RBM20: variants seen among roughly 807,000 people sequenced by gnomAD.
RBM20 encodes RNA binding motif protein 20, also known as RNA-binding protein 20.
A neutral mutation model predicts 110.1 loss-of-function variants in RBM20; 51 were observed. That is an observed-to-expected ratio of 0.46 (90% CI 0.37 to 0.59). The LOEUF is 0.59. Among genes scored for constraint, RBM20 ranks in the 20% least tolerant of loss-of-function variants. RBM20 has a pLI of 0.00. For synonymous variants in RBM20, 589 were observed against 618.2 expected (o/e 0.95, Z 0.70); for missense variants, 1,512 against 1,574.9 (o/e 0.96, Z 0.68).
At position 110,799,839 on chromosome 10, in the gene RBM20, A is replaced by G. The variant is rs1844598947; in HGVS notation, c.1721A>G (p.Tyr574Cys). Residue 574 changes from tyrosine (Y) to cysteine (C), a missense_variant, in exon 7 of 14, where the codon TAT becomes TGT. Coordinates refer to ENST00000369519, the MANE Select transcript of RBM20 (RefSeq NM_001134363.3). Reference protein sequence around the residue: ...TEAAQAMVQYYQEKSAVINGE... With the variant: ...TEAAQAMVQYCQEKSAVINGE... ...GCTGCACAGGCCATGGTCCAGTATT[A>G]TCAAGAAAAATCTGCTGTGATCAAT... is the stretch of plus-strand genomic sequence containing the variant. 1 of 1,551,884 alleles carries G rather than the reference A, an allele frequency of 6.4e-7. No homozygotes were observed. Among genetic ancestry groups the G allele is most frequent in the East Asian group, 2.4e-5 (1 of 40,924 alleles).
intron 1 of RBM20, among the ~76,000 whole-genome samples, chr10:110,760,923 C>T (rs1843989807): frequency 6.7e-6 from 1 of 150,112 alleles, no homozygotes. Context: ...GAAACCTCAT[C>T]TCTACTAAAA....
At chr10:110,718,593 T>C (rs1369791395) in intron 1 of RBM20, among the ~76,000 whole-genome samples, 1 of 149,136 alleles carries the variant, frequency 6.7e-6, no homozygotes, top group Non-Finnish European at 1.5e-5. Flanking sequence ...TTAATACATA[T>C]AATTCTACTC....
At chr10:110,696,396 G>T (rs1313690094) in intron 1 of RBM20, among the ~76,000 whole-genome samples, 2 of 152,172 alleles carry the variant, frequency 1.3e-5, no homozygotes, top group African/African-American at 4.8e-5. Flanking sequence ...GATGGGGTTG[G>T]GAGGGAGGCA....
At chr10:110,763,175 A>G (rs1370219704) in intron 1 of RBM20, among the ~76,000 whole-genome samples, 2 of 152,164 alleles carry the variant, frequency 1.3e-5, no homozygotes, top group African/African-American at 4.8e-5. Context: ...AGCTAGAAAC[A>G]GGCTGGTCAA....
chr10:110,739,906 G>A lies in RBM20; in HGVS notation c.192-40895G>A, dbSNP rs560153815. Among the ~76,000 whole-genome samples, 67 of 152,294 alleles carry A rather than the reference G, an allele frequency of 4.4e-4. No individual in the cohort carries two copies. Among genetic ancestry groups the A allele is most frequent in the African/African-American group, 1.3e-3 (53 of 41,570 alleles). Reference sequence around the variant, plus strand: ...GAAGCCACTCCCAGCGGCCCTGCCCGTCTGGGTCCTCCTGCCCTCACTGGG... The same window carrying A: ...GAAGCCACTCCCAGCGGCCCTGCCCATCTGGGTCCTCCTGCCCTCACTGGG... On this transcript the variant is annotated intron_variant, in intron 1 of 13. Transcript: ENST00000369519. This position sits in a 1 kb window ranked among gnomAD's most constrained non-coding sequence, Gnocchi z 4.1.
chr10:110,664,086 T>A (rs988703404), intron 1 of RBM20, among the ~76,000 whole-genome samples: 3 of 152,170 alleles, frequency 2.0e-5, no homozygotes, highest in Admixed American at 6.5e-5. Flanking sequence ...AATAAAAAAA[T>A]TTTTCTAACC....
intron 1 of RBM20, among the ~76,000 whole-genome samples, chr10:110,680,711 G>C (rs1209375764): frequency 6.6e-6 from 1 of 152,188 alleles, no homozygotes; most frequent in African/African-American, 2.4e-5. Context: ...ACCTTTCATA[G>C]TGGGGCTTGG....
intron 1 of RBM20, among the ~76,000 whole-genome samples, chr10:110,769,259 T>G (rs986681024): frequency 2.7e-5 from 4 of 145,704 alleles, no homozygotes; most frequent in African/African-American, 5.2e-5. Context: ...CAACCTTTTT[T>G]TTGTTGTTGT....
intron 1 of RBM20, among the ~76,000 whole-genome samples, chr10:110,711,813 G>T (rs1862934239): frequency 6.6e-6 from 1 of 152,194 alleles, no homozygotes; most frequent in Admixed American, 6.5e-5. Flanking sequence ...CAGGACTTCA[G>T]GGTTTTGCAA....
intron 12 of RBM20, among the ~76,000 whole-genome samples, chr10:110,826,598 T>TC (rs1844984553): frequency 7.7e-6 from 1 of 130,178 alleles, no homozygotes; most frequent in Non-Finnish European, 1.6e-5. Context: ...TTTTTTTTTT[T>TC]TGAGACAAAG....
rs77819673 is a variant in RBM20, at chr10:110,729,538, G to A, written c.192-51263G>A. 4.2e-3 allele frequency among the ~76,000 whole-genome samples: 634 copies of A among 152,292 alleles called. 5 individuals are homozygous for A. Among genetic ancestry groups the A allele is most frequent in the African/African-American group, 0.014 (589 of 41,574 alleles). On this transcript the variant is annotated intron_variant, in intron 1 of 13. Transcript: ENST00000369519. ...ATCTATCTCTTCTTCTAGGCTATGA[G>A]CCGCAGGAGGGCAGAAGCTGAGATC...
chr10:110,712,463 G>C (rs1862947596), intron 1 of RBM20, among the ~76,000 whole-genome samples: 1 of 152,170 alleles, frequency 6.6e-6, no homozygotes, highest in South Asian at 2.1e-4. Flanking sequence ...TATTGATTGA[G>C]GCCAATAAAA....
rs536357058 is a variant in RBM20 at position 110,780,856 on chromosome 10, C to A, written c.247C>A (p.Leu83Ile). 13 of 1,548,890 alleles carry A rather than the reference C, an allele frequency of 8.4e-6. No homozygotes were observed. The African/African-American group carries it at 1.5e-4, about 18-fold the overall frequency. Residue 83 changes from leucine to isoleucine, a missense_variant, in exon 2 of 14, where the codon CTT becomes ATT. Leu to Ile is a conservative substitution (Grantham distance 5). Transcript: ENST00000369519. ...CTCGGTCAGTAACCCGAACCCTCTGCTTCCTTCACCTGCCAGTCTCCAGCT... is the reference window on the plus strand; with the variant it reads ...CTCGGTCAGTAACCCGAACCCTCTGATTCCTTCACCTGCCAGTCTCCAGCT... ...PFSVSNPNPL[L>I]PSPASLQLAQ...
At chr10:110,789,364 G>C (rs1329611781) in intron 5 of RBM20, among the ~76,000 whole-genome samples, 8 of 151,738 alleles carry the variant, frequency 5.3e-5, no homozygotes. Context: ...TCCCACCTGT[G>C]TTGGAGTCTG....
At chr10:110,745,800 C>T (rs556399436) in intron 1 of RBM20, among the ~76,000 whole-genome samples, 2 of 152,034 alleles carry the variant, frequency 1.3e-5, no homozygotes, top group East Asian at 1.9e-4. Flanking sequence ...CAAAGTATGC[C>T]GTATATTCAA....
rs137951701 is a variant in RBM20, at chr10:110,733,846, G to A, written c.192-46955G>A. Among the ~76,000 whole-genome samples the A allele has an allele frequency of 1.4e-3, 215 of 152,288 alleles. 1 individual carries two copies. The highest frequency in any genetic ancestry group is 5.1e-3 in the African/African-American group (210 of 41,552). On this transcript the variant is annotated intron_variant, in intron 1 of 13. Transcript: ENST00000369519. Reference sequence around the variant, plus strand: ...GGACATGTTTTATCCCCAGCAATTCGGTTTGCCCTTCTGGGGTGCTTCTCA... The same window carrying A: ...GGACATGTTTTATCCCCAGCAATTCAGTTTGCCCTTCTGGGGTGCTTCTCA...
chr10:110,665,042 C>G (rs4313506), intron 1 of RBM20, among the ~76,000 whole-genome samples: 58,202 of 150,714 alleles, frequency 0.39, 13,377 homozygotes, highest in East Asian at 0.71. Flanking sequence ...TGCCTGGCTA[C>G]TTTTTTTTTT....
At chr10:110,826,908 A>G (rs1038249915) in intron 12 of RBM20, among the ~76,000 whole-genome samples, 5 of 151,868 alleles carry the variant, frequency 3.3e-5, no homozygotes, top group African/African-American at 1.2e-4. Flanking sequence ...GTTTCTTTTT[A>G]TTGTTGAGGA....
intron 12 of RBM20, among the ~76,000 whole-genome samples, chr10:110,830,286 T>C (rs1044833620): frequency 6.6e-6 from 1 of 152,210 alleles, no homozygotes. Flanking sequence ...GGCTGTGACA[T>C]TGTCACTCCT....
Sources: gnomAD v4.1 joint callset for allele counts (sites outside exome capture counted in the v4.1 genomes callset) on GRCh38, gnomAD v4.1.1 for gene constraint, Gnocchi (gnomAD v3.1) non-coding constraint, MANE v1.5 for transcripts, NCBI Gene and HGNC (gene_info 2026-07-23, HGNC 2026-07-21) for gene names.